Variants in AHCY observed in about 807,000 individuals in gnomAD.
AHCY encodes S-adenosyl-L-homocysteine hydrolase.
Under a neutral mutation model 45.4 loss-of-function variants are expected in AHCY, and 24 were observed. That is an observed-to-expected ratio of 0.53 (90% CI 0.38 to 0.74). The LOEUF (loss-of-function observed/expected upper bound fraction) is 0.74, where lower values mean the gene tolerates loss of function less well. AHCY is among the 30% of genes least tolerant of loss of function. AHCY has a pLI of 0.00. For missense variants in AHCY, 449 were observed against 594.1 expected, an observed-to-expected ratio of 0.76 and a Z score of 2.54; for synonymous variants, 245 against 235.1, an observed-to-expected ratio of 1.04 and a Z score of -0.39.
At chr20:34,253,070 T>G in the AHCY span, among the ~76,000 whole-genome samples, 9 of 152,178 alleles carry the variant, frequency 5.9e-5, no homozygotes, top group Admixed American at 1.3e-4. Context: ...GTCTTCCTTT[T>G]CTACATAGAC....
At chr20:34,258,244 T>C in the AHCY span, among the ~76,000 whole-genome samples, 17 of 152,024 alleles carry the variant, frequency 1.1e-4, no homozygotes, top group Non-Finnish European at 1.9e-4. Flanking sequence ...CAATCCATCA[T>C]GATTCTTACA....
At chr20:34,296,217 A>C (rs147442658) in intron 1 of AHCY, among the ~76,000 whole-genome samples, 2 of 152,164 alleles carry the variant, frequency 1.3e-5, no homozygotes, top group Non-Finnish European at 2.9e-5. Context: ...TGCTCAGCTT[A>C]GCTCTCCCTT....
the AHCY span, among the ~76,000 whole-genome samples, chr20:34,237,297 T>C: frequency 2.6e-5 from 4 of 152,208 alleles, no homozygotes; most frequent in African/African-American, 9.7e-5. Flanking sequence ...TGTTAGGAAT[T>C]GTATTGAATC....
downstream of AHCY, chr20:34,280,227 T>C (rs955225193): frequency 6.6e-6 from 1 of 152,262 alleles, no homozygotes; most frequent in African/African-American, 2.4e-5. Context: ...TGGCATACAT[T>C]GTTGGCAGAG....
At chr20:34,252,397 T>A in the AHCY span, among the ~76,000 whole-genome samples, 1 of 152,160 alleles carries the variant, frequency 6.6e-6, no homozygotes, top group Non-Finnish European at 1.5e-5. Flanking sequence ...CATGAGTAAG[T>A]TCAAGGAAAG....
chr20:34,278,211 G>A (rs1055972743), downstream of AHCY, among the ~76,000 whole-genome samples: 1 of 152,118 alleles, frequency 6.6e-6, no homozygotes, highest in Non-Finnish European at 1.5e-5. Flanking sequence ...TGAAAAGAGG[G>A]GCTGTGTTTT....
At chr20:34,269,946 T>TAAAAAA in the AHCY span, among the ~76,000 whole-genome samples, 35 of 59,232 alleles carry the variant, frequency 5.9e-4, 1 homozygote, top group African/African-American at 1.5e-3. Context: ...AACTCTGTCT[T>TAAAAAA]AAAAAAAAAA....
intron 1 of AHCY, among the ~76,000 whole-genome samples, chr20:34,310,394 TA>T (rs1189328270): frequency 2.0e-5 from 3 of 152,094 alleles, no homozygotes; most frequent in African/African-American, 7.2e-5. Context: ...ATCACATGGA[TA>T]AAAAGTTTAC....
At chr20:34,272,781 G>C in the AHCY span, among the ~76,000 whole-genome samples, 1,336 of 152,268 alleles carry the variant, frequency 8.8e-3, 17 homozygotes, top group African/African-American at 0.03. Flanking sequence ...CTACTCAAGA[G>C]GCTGAGGCAG....
In AHCY at chr20:34,291,361, A is replaced by G. The variant is rs142560545; in HGVS notation, c.558+58T>C. The stretch of plus-strand genomic sequence containing the variant: ...AGCCTTCCTGGGCACTCTTCTTCAG[A>G]GGCCTCGTCCTGAGCTGCAGCCACT... On this transcript the variant is annotated intron_variant, in intron 5 of 9. Transcript: ENST00000217426. 143 of 1,483,536 alleles carry G rather than the reference A, an allele frequency of 9.6e-5. No homozygotes were observed. In the Admixed American group the frequency reaches 1.5e-3, roughly 15 times the overall value. The allele number at this position is 1,483,536 out of a possible 1,614,324, so 91.9% of individuals were successfully genotyped here.
the AHCY span, among the ~76,000 whole-genome samples, chr20:34,273,239 G>A: frequency 7.0e-6 from 1 of 141,958 alleles, no homozygotes; most frequent in Non-Finnish European, 1.6e-5. Context: ...TTTTTTTTTG[G>A]AGGCACATTG....
intron 2 of AHCY, chr20:34,295,123 G>T: frequency 1.8e-6 from 1 of 565,818 alleles, no homozygotes; most frequent in South Asian, 1.9e-5. Flanking sequence ...TAGGACATGG[G>T]TGTTGAATTT....
the AHCY span, among the ~76,000 whole-genome samples, chr20:34,274,450 C>T: frequency 6.6e-6 from 1 of 152,192 alleles, no homozygotes; most frequent in Non-Finnish European, 1.5e-5. Context: ...GTAGAGCCAA[C>T]ACCTTGCAAG....
In AHCY at chr20:34,290,771, G is replaced by A. The variant is rs200322249; in HGVS notation, c.726C>T (p.Thr242=). The change falls in exon 6 of 10, where the codon ACC becomes ACT. Residue 242 remains threonine, a synonymous_variant. Transcript: ENST00000217426. This position sits in a 1 kb window ranked among gnomAD's most constrained non-coding sequence, Gnocchi z 4.5. The stretch of plus-strand genomic sequence containing the variant: ...GCAGTGCGTTGATGGGGTCAATCTC[G>A]GTGATGATGACGCGGGCTCCGAAAC... The part of the protein sequence containing the change: ...LRGFGARVII[T]EIDPINALQA... 8 of 1,613,868 alleles carry A rather than the reference G, an allele frequency of 5.0e-6. No homozygotes were observed. The East Asian group carries it at 1.1e-4, about 22-fold the overall frequency.
the AHCY span, among the ~76,000 whole-genome samples, chr20:34,243,014 T>A: frequency 1.3e-5 from 2 of 152,272 alleles, no homozygotes; most frequent in African/African-American, 2.4e-5. Context: ...AAGGGAATGA[T>A]GTCAGGAGAT....
intron 8 of AHCY, chr20:34,286,260 G>A (rs1331651957): frequency 6.3e-6 from 1 of 159,300 alleles, no homozygotes; most frequent in Non-Finnish European, 1.4e-5. Context: ...CATGTGCCCT[G>A]TACTAAGTCC....
intron 9 of AHCY, among the ~76,000 whole-genome samples, chr20:34,283,198 C>T (rs1213597878): frequency 6.6e-6 from 1 of 152,078 alleles, no homozygotes; most frequent in Non-Finnish European, 1.5e-5. Context: ...TTCCTTCTCC[C>T]AGCACCCTGA....
chr20:34,234,576 A>G, the AHCY span, among the ~76,000 whole-genome samples: 3 of 151,188 alleles, frequency 2.0e-5, no homozygotes, highest in Non-Finnish European at 4.4e-5. Flanking sequence ...TATATGACGG[A>G]CTGCATATAT....
the AHCY span, among the ~76,000 whole-genome samples, chr20:34,271,402 C>T: frequency 6.6e-6 from 1 of 152,174 alleles, no homozygotes; most frequent in Admixed American, 6.5e-5. Context: ...CCGTCTCCAA[C>T]ACCATTATTC....
Sources: gnomAD v4.1 joint callset for allele counts (sites outside exome capture counted in the v4.1 genomes callset) on GRCh38, gnomAD v4.1.1 for gene constraint, Gnocchi (gnomAD v3.1) non-coding constraint, MANE v1.5 for transcripts, NCBI Gene and HGNC (gene_info 2026-07-23, HGNC 2026-07-21) for gene names.